Variants in FAR1 observed in about 807,000 individuals in gnomAD.
The protein encoded by FAR1 is fatty acyl-CoA reductase 1.
FAR1 carries 22 observed loss-of-function variants against 61.1 expected under a neutral mutation model. The ratio of observed to expected loss-of-function variants is 0.36; its 90% CI spans 0.26 to 0.51. The LOEUF (loss-of-function observed/expected upper bound fraction) is 0.51. Ranked by LOEUF, FAR1 falls within the 20% of genes least tolerant of loss-of-function variation. The pLI is 0.95. For synonymous variants in FAR1, 206 were observed against 209.7 expected (o/e 0.98, Z 0.15); for missense variants, 359 against 626.9 (o/e 0.57, Z 4.56).
intron 1 of FAR1, among the ~76,000 whole-genome samples, chr11:13,685,214 G>A (rs1179162507): frequency 6.6e-6 from 1 of 151,874 alleles, no homozygotes; most frequent in Middle Eastern, 3.2e-3. Context: ...TCTTGTTTTG[G>A]CTGCCTCTGG....
At chr11:13,680,625 G>A (rs1778804332) in intron 1 of FAR1, among the ~76,000 whole-genome samples, 1 of 152,138 alleles carries the variant, frequency 6.6e-6, no homozygotes, top group Non-Finnish European at 1.5e-5. Flanking sequence ...GGAAGCAAGA[G>A]AGAAAGAGGA....
chr11:13,729,074 G>A lies in FAR1; in HGVS notation c.*300G>A, dbSNP rs72866530. 0.015 allele frequency: 3,169 copies of A among 216,604 alleles called. 43 individuals carry two copies. The highest frequency in any genetic ancestry group is 0.027 in the South Asian group (253 of 9,418). The allele number at this position is 216,604 out of a possible 1,614,324, so 13.4% of individuals were successfully genotyped here. ...AGTGGGGAAATAGGAACACTGACCA[G>A]TATAACTGTGCAATTCTGGAACATA... is the stretch of plus-strand genomic sequence containing the variant. On this transcript the variant is annotated 3_prime_UTR_variant, in exon 12 of 12. Transcript: ENST00000354817.
At chr11:13,713,251 C>T (rs1361430880) in intron 8 of FAR1, among the ~76,000 whole-genome samples, 1 of 151,512 alleles carries the variant, frequency 6.6e-6, no homozygotes, top group African/African-American at 2.4e-5. Flanking sequence ...CTTACCCACC[C>T]ACCCTACCCT....
At chr11:13,718,482 CATT>C (rs1190300125) in intron 9 of FAR1, among the ~76,000 whole-genome samples, 5 of 152,168 alleles carry the variant, frequency 3.3e-5, no homozygotes, top group Admixed American at 6.5e-5. Context: ...TTAAGGCTTC[CATT>C]AATAATGTTT....
chr11:13,727,825 G>T, intron 11 of FAR1, 142 bp downstream of exon 11: 1 of 730,896 alleles, frequency 1.4e-6, no homozygotes, highest in Non-Finnish European at 2.1e-6. Context: ...TATTTGTAGT[G>T]CTTTTTAATG....
chr11:13,721,481 G>C lies in FAR1; in HGVS notation c.1128-249G>C, dbSNP rs1394424797. On this transcript the variant is annotated intron_variant, in intron 9 of 11. Coordinates refer to ENST00000354817, the MANE Select transcript of FAR1 (RefSeq NM_032228.6). The surrounding 1 kb of genome is among the most constrained non-coding windows in gnomAD (Gnocchi z 4.2). Reference sequence around the variant, plus strand: ...TAATTCTGTATATCAGCAGAACTCTGTTTAGGTGGTATTAAATGCATTTGC... The same window carrying C: ...TAATTCTGTATATCAGCAGAACTCTCTTTAGGTGGTATTAAATGCATTTGC... 2 of 357,494 alleles carry C rather than the reference G, an allele frequency of 5.6e-6. No individual in the cohort carries two copies. Among genetic ancestry groups the C allele is most frequent in the South Asian group, 3.7e-5 (1 of 26,674 alleles). The allele number at this position is 357,494 out of a possible 1,614,324, so 22.1% of individuals were successfully genotyped here. A position where few individuals can be genotyped will look rare whatever the true frequency, so the allele number is the denominator to read the frequency against.
At chr11:13,700,878 T>G (rs1173302734) in intron 3 of FAR1, among the ~76,000 whole-genome samples, 1 of 152,094 alleles carries the variant, frequency 6.6e-6, no homozygotes, top group Non-Finnish European at 1.5e-5. Context: ...AAAATTAGGC[T>G]CAGGTTTTAC....
chr11:13,695,067 T>TAAAAA, intron 2 of FAR1, 113 bp downstream of exon 2: 4 of 808,678 alleles, frequency 4.9e-6, no homozygotes, highest in Non-Finnish European at 5.2e-6. Flanking sequence ...AAAAAATTAG[T>TAAAAA]AAAACAAAAA....
intron 9 of FAR1, among the ~76,000 whole-genome samples, chr11:13,718,901 G>T (rs536969022): frequency 6.6e-6 from 1 of 152,100 alleles, no homozygotes; most frequent in African/African-American, 2.4e-5. Context: ...TCTCCATGTG[G>T]CCTCTCCATA....
chr11:13,708,434 T>C lies in FAR1; in HGVS notation c.545+355T>C, dbSNP rs1252318136. ...CTCCTCACCCCACCCCATATACATG[T>C]GCGCGCGCGCGCGCACACACACACA... On this transcript the variant is annotated intron_variant, in intron 4 of 11. Coordinates refer to ENST00000354817, the MANE Select transcript of FAR1 (RefSeq NM_032228.6). Among the ~76,000 whole-genome samples the C allele has an allele frequency of 9.4e-4, 126 of 134,416 alleles. 1 individual carries two copies. Among genetic ancestry groups the C allele is most frequent in the East Asian group, 2.3e-3 (10 of 4,356 alleles). The allele number at this position is 134,416 out of a possible 152,430, so 88.2% of individuals were successfully genotyped here.
intron 6 of FAR1, 46 bp from the exon 7 acceptor site, chr11:13,711,882 A>G: frequency 6.5e-7 from 1 of 1,548,724 alleles, no homozygotes; most frequent in Non-Finnish European, 8.9e-7. Context: ...ATATATATAC[A>G]CTATGGCTTA....
rs1848452057 is a variant in FAR1 at position 13,707,943 on chromosome 11, C to T, written c.409C>T (p.Leu137Phe). 5.0e-6 allele frequency: 8 copies of T among 1,599,618 alleles called. No individual in the cohort carries two copies. The highest frequency in any genetic ancestry group is 6.8e-6 in the Non-Finnish European group (8 of 1,173,122). The change falls in exon 4 of 12, where the codon CTC becomes TTC. Residue 137 changes from leucine (L) to phenylalanine (F), a missense_variant. Physicochemically the swap from Leu to Phe is conservative, Grantham distance 22. This residue lies in a region of FAR1 where 344 missense variants were observed against 570.3 expected (regional missense o/e 0.60). Coordinates refer to ENST00000354817, the MANE Select transcript of FAR1 (RefSeq NM_032228.6). ...TGTGATTGCAACGCGACAGCTTATT[C>T]TCCTTGCACAACAAATGAAGAATCT... ...LNVIATRQLI[L>F]LAQQMKNLEV...
chr11:13,678,431 A>AT (rs1418250730), intron 1 of FAR1, among the ~76,000 whole-genome samples: 1 of 151,744 alleles, frequency 6.6e-6, no homozygotes, highest in East Asian at 1.9e-4. Context: ...TGCCCAGCTA[A>AT]TTTTTTGTAT....
chr11:13,678,873 T>A (rs1848096169), intron 1 of FAR1, among the ~76,000 whole-genome samples: 1 of 152,164 alleles, frequency 6.6e-6, no homozygotes, highest in Non-Finnish European at 1.5e-5. Context: ...AGGTTCAGGC[T>A]TGAGAACAAG....
At position 13,700,509 on chromosome 11, in the gene FAR1, A is replaced by AG. The variant is rs1199094138; in HGVS notation, c.365+17_365+18insG. On this transcript the variant is annotated intron_variant, in intron 3 of 11. Coordinates refer to ENST00000354817, the MANE Select transcript of FAR1 (RefSeq NM_032228.6). The stretch of plus-strand genomic sequence containing the variant: ...AAATTTAAGGTAAGTACAAGTAATT[A>AG]TATAATATTTGAACTTCAGTATAGT... 1 of 1,396,112 alleles carries AG rather than the reference A, an allele frequency of 7.2e-7. No homozygotes were observed. Among genetic ancestry groups the AG allele is most frequent in the Non-Finnish European group, 9.6e-7 (1 of 1,043,332 alleles). The allele number at this position is 1,396,112 out of a possible 1,614,324, so 86.5% of individuals were successfully genotyped here.
At chr11:13,725,729 TC>T (rs952524241) in intron 10 of FAR1, among the ~76,000 whole-genome samples, 3 of 152,150 alleles carry the variant, frequency 2.0e-5, no homozygotes, top group Non-Finnish European at 2.9e-5. Flanking sequence ...TTGTATCTTA[TC>T]TTTTAGATAT....
chr11:13,701,286 G>GC (rs1296864142), intron 3 of FAR1, among the ~76,000 whole-genome samples: 1 of 142,462 alleles, frequency 7.0e-6, no homozygotes, highest in East Asian at 1.9e-4. Flanking sequence ...GATATTGAAT[G>GC]CTCTAACAAA....
intron 2 of FAR1, among the ~76,000 whole-genome samples, chr11:13,698,689 G>A (rs1028648084): frequency 7.2e-5 from 11 of 151,994 alleles, no homozygotes; most frequent in African/African-American, 1.9e-4. Flanking sequence ...AAATTAGCTG[G>A]GCGTGGTGGC....
intron 9 of FAR1, among the ~76,000 whole-genome samples, chr11:13,716,079 C>G (rs1266078290): frequency 6.6e-6 from 1 of 152,042 alleles, no homozygotes; most frequent in Admixed American, 6.6e-5. Flanking sequence ...CTGCAAAATG[C>G]AATACTTGCC....
Sources: gnomAD v4.1 joint callset for allele counts (sites outside exome capture counted in the v4.1 genomes callset) on GRCh38, gnomAD v4.1.1 for gene constraint, gnomAD v4.1.1 regional missense constraint, Gnocchi (gnomAD v3.1) non-coding constraint, MANE v1.5 for transcripts, NCBI Gene and HGNC (gene_info 2026-07-23, HGNC 2026-07-21) for gene names.